FREM2: variants seen among roughly 807,000 people sequenced by gnomAD.
The protein encoded by FREM2 is FRAS1 related extracellular matrix 2, also known as FRAS1-related extracellular matrix protein 2.
In FREM2, 119 loss-of-function variants were observed where a neutral mutation model predicts 219.9. That is an observed-to-expected ratio of 0.54 (90% confidence interval 0.47 to 0.63). The LOEUF is 0.63. FREM2 is among the 30% of genes least tolerant of loss of function. The probability of loss-of-function intolerance (pLI) is 0.00; values close to 1 mark genes in which losing one functional copy is unlikely to be tolerated. For missense variants in FREM2, 4,030 were observed against 3,993.6 expected (o/e 1.01, Z -0.25); for synonymous variants, 1,562 against 1,522.8 (o/e 1.03, Z -0.60).
At chr13:38,771,110 G>C (rs1011813562) in intron 4 of FREM2, among the ~76,000 whole-genome samples, 1 of 152,138 alleles carries the variant, frequency 6.6e-6, no homozygotes, top group African/African-American at 2.4e-5. Context: ...CATAATTAAA[G>C]AAAGTGAATA....
At chr13:38,877,387 G>A (rs1371193575) in intron 21 of FREM2, 144 bp downstream of exon 21, 2 of 918,864 alleles carry the variant, frequency 2.2e-6, no homozygotes, top group Non-Finnish European at 3.6e-6. Context: ...CACTCTGGCT[G>A]GTGTGGGAAG....
Position 38,757,164 on chromosome 13 carries a change from G to C in FREM2, c.5264-7140G>C, listed in dbSNP as rs574485993. ...TAGATGAATAGGAATTTCAGTCTTTGGAAACTTGTGTACAAATACCCATTA... is the reference window on the plus strand; with the variant it reads ...TAGATGAATAGGAATTTCAGTCTTTCGAAACTTGTGTACAAATACCCATTA... On this transcript the variant is annotated intron_variant, in intron 2 of 23. Coordinates refer to ENST00000280481, the MANE Select transcript of FREM2 (RefSeq NM_207361.6). 3.9e-5 allele frequency among the ~76,000 whole-genome samples: 6 copies of C among 152,220 alleles called. No individual in the cohort carries two copies. The East Asian group carries it at 1.2e-3, about 29-fold the overall frequency.
At chr13:38,809,060 CATAGGCTTT>C (rs1374671657) in intron 6 of FREM2, among the ~76,000 whole-genome samples, 4 of 151,870 alleles carry the variant, frequency 2.6e-5, no homozygotes, top group South Asian at 4.2e-4. Context: ...TGTTAAGTTC[CATAGGCTTT>C]ATTTTTTCAT....
At chr13:38,767,351 A>G (rs1873476979) in intron 3 of FREM2, among the ~76,000 whole-genome samples, 1 of 152,224 alleles carries the variant, frequency 6.6e-6, no homozygotes, top group African/African-American at 2.4e-5. Context: ...GGGATATGGT[A>G]TTGCAACTCA....
At chr13:38,858,631 TG>T (rs1877647538) in intron 13 of FREM2, among the ~76,000 whole-genome samples, 1 of 152,226 alleles carries the variant, frequency 6.6e-6, no homozygotes, top group Admixed American at 6.5e-5. Context: ...GACTTACTTA[TG>T]TTTATATTAC....
intron 2 of FREM2, among the ~76,000 whole-genome samples, chr13:38,708,682 A>T (rs950645290): frequency 6.6e-6 from 1 of 152,150 alleles, no homozygotes; most frequent in African/African-American, 2.4e-5. Flanking sequence ...CTTTAAAAAA[A>T]GTCTTTCCTC....
intron 2 of FREM2, among the ~76,000 whole-genome samples, chr13:38,744,785 C>T (rs1182802762): frequency 6.6e-6 from 1 of 152,228 alleles, no homozygotes; most frequent in East Asian, 1.9e-4. Context: ...AGCCACTACG[C>T]CCAGCCAGCT....
Position 38,687,339 on chromosome 13 carries a change from G to C in FREM2, c.-6G>C, listed in dbSNP as rs777283262. Reference sequence around the variant, plus strand: ...GCTGACCTGTCCAAGCCCGAACACCGGGACCATGCACTCAGCCGGGACTCC... The same window carrying C: ...GCTGACCTGTCCAAGCCCGAACACCCGGACCATGCACTCAGCCGGGACTCC... On this transcript the variant is annotated 5_prime_UTR_variant, in exon 1 of 24. Coordinates refer to ENST00000280481, the MANE Select transcript of FREM2 (RefSeq NM_207361.6). 1.3e-6 allele frequency: 2 copies of C among 1,598,122 alleles called. No homozygotes were observed. Among genetic ancestry groups the C allele is most frequent in the South Asian group, 2.3e-5 (2 of 88,480 alleles).
chr13:38,791,104 A>G (rs893168317), intron 6 of FREM2, among the ~76,000 whole-genome samples: 2 of 152,220 alleles, frequency 1.3e-5, no homozygotes, highest in Non-Finnish European at 2.9e-5. Flanking sequence ...CTAGTGACTG[A>G]GATTCAATGA....
chr13:38,808,185 G>T (rs558866369), intron 6 of FREM2, among the ~76,000 whole-genome samples: 1 of 151,796 alleles, frequency 6.6e-6, no homozygotes, highest in African/African-American at 2.4e-5. Flanking sequence ...AAGCTTCCTC[G>T]CCCCTCTCAG....
At chr13:38,837,797 C>CTTTTTTTTTT (rs1324884346) in intron 6 of FREM2, among the ~76,000 whole-genome samples, 54 of 123,592 alleles carry the variant, frequency 4.4e-4, no homozygotes, top group Non-Finnish European at 6.2e-4. Flanking sequence ...TTTGTTTTTG[C>CTTTTTTTTTT]TTTCCATTTG....
At chr13:38,805,016 C>A (rs1189986695) in intron 6 of FREM2, among the ~76,000 whole-genome samples, 1 of 152,010 alleles carries the variant, frequency 6.6e-6, no homozygotes, top group Non-Finnish European at 1.5e-5. Context: ...GAATTTCTTA[C>A]CTTATGGCAT....
At chr13:38,724,258 T>C (rs1017337004) in intron 2 of FREM2, among the ~76,000 whole-genome samples, 1 of 152,228 alleles carries the variant, frequency 6.6e-6, no homozygotes. Flanking sequence ...CCTGGTTTAA[T>C]GTCTGCCAGG....
rs1335187560 is a variant in FREM2 at position 38,688,289 on chromosome 13, C to T, written c.945C>T (p.Asn315=). 6.2e-7 allele frequency: 1 copy of T among 1,614,132 alleles called. No homozygotes were observed. The highest frequency in any genetic ancestry group is 8.5e-7 in the Non-Finnish European group (1 of 1,180,032). Residue 315 remains asparagine, a synonymous_variant, in exon 1 of 24, where the codon AAC becomes AAT. Transcript: ENST00000280481. ...TGAGGATCCGAGGAGGGGCCGAGAA[C>T]ACTGCACCCAAGCCCAGTTTCGTGG... ...VLVRIRGGAE[N]TAPKPSFVAM... is the part of the protein sequence containing the mutation.
chr13:38,835,241 A>G (rs1876663859), intron 6 of FREM2, among the ~76,000 whole-genome samples: 1 of 152,152 alleles, frequency 6.6e-6, no homozygotes, highest in African/African-American at 2.4e-5. Context: ...CAGGTTTGTC[A>G]AAGATCAGAT....
chr13:38,703,421 A>G (rs1870417828), intron 2 of FREM2, among the ~76,000 whole-genome samples: 1 of 152,162 alleles, frequency 6.6e-6, no homozygotes, highest in African/African-American at 2.4e-5. Flanking sequence ...GCACTGATAC[A>G]AATATTTTTA....
At chr13:38,857,768 A>T in intron 12 of FREM2, 107 bp from the exon 13 acceptor site, 1 of 945,314 alleles carries the variant, frequency 1.1e-6, no homozygotes. Context: ...AATTTGCATC[A>T]TAACGAGGCC....
chr13:38,846,002 A>T (rs895131158), intron 6 of FREM2, among the ~76,000 whole-genome samples: 1 of 152,176 alleles, frequency 6.6e-6, no homozygotes, highest in Non-Finnish European at 1.5e-5. Flanking sequence ...TCTACAGGCA[A>T]CCTGCAGTCA....
intron 2 of FREM2, among the ~76,000 whole-genome samples, chr13:38,746,007 CT>C (rs1566125963): frequency 6.6e-6 from 1 of 152,112 alleles, no homozygotes; most frequent in Non-Finnish European, 1.5e-5. Flanking sequence ...CCATTTCTTA[CT>C]TTTATGATTT....
Sources: gnomAD v4.1 joint callset for allele counts (sites outside exome capture counted in the v4.1 genomes callset) on GRCh38, gnomAD v4.1.1 for gene constraint, MANE v1.5 for transcripts, NCBI Gene and HGNC (gene_info 2026-07-23, HGNC 2026-07-21) for gene names.